Variants in WSB1 observed in about 807,000 individuals in gnomAD.
WSB1 encodes WD repeat and SOCS box-containing protein 1.
WSB1 carries 23 observed loss-of-function variants against 50.2 expected under a neutral mutation model. That is an observed-to-expected ratio of 0.46 (90% CI 0.33 to 0.65). The LOEUF is 0.65. Ranked by LOEUF, WSB1 falls within the 30% of genes least tolerant of loss-of-function variation. WSB1 has a pLI of 0.02. For synonymous variants in WSB1, 179 were observed against 172.0 expected (o/e 1.04, Z -0.32); for missense variants, 492 against 522.3 (o/e 0.94, Z 0.56).
chr17:27,307,019 G>T, intron 5 of WSB1, 137 bp downstream of exon 5: 6 of 788,166 alleles, frequency 7.6e-6, no homozygotes, highest in Non-Finnish European at 9.9e-6. Context: ...CATGATGGGG[G>T]AGAATTTGCA....
chr17:27,294,469 G>T (rs1275164751), intron 1 of WSB1, 34 bp downstream of exon 1: 5 of 1,611,500 alleles, frequency 3.1e-6, no homozygotes, highest in Non-Finnish European at 4.2e-6. Flanking sequence ...GCGCATGAGG[G>T]CCGAGGAGAG....
intron 5 of WSB1, chr17:27,308,124 G>A: frequency 9.5e-7 from 1 of 1,054,690 alleles, no homozygotes; most frequent in Non-Finnish European, 1.1e-6. Context: ...AATTCTTTCA[G>A]ATTCCAGAGA....
intron 1 of WSB1, 126 bp downstream of exon 1, chr17:27,294,561 T>G: frequency 7.4e-7 from 1 of 1,352,072 alleles, no homozygotes. Context: ...GCCAGCCCAC[T>G]AGCGAGGAGG....
chr17:27,305,628 G>C (rs2017420329), intron 4 of WSB1, among the ~76,000 whole-genome samples: 1 of 152,154 alleles, frequency 6.6e-6, no homozygotes, highest in Non-Finnish European at 1.5e-5. Flanking sequence ...GCTTGCCTAG[G>C]GGTAATAAAG....
rs543081526 is a variant in WSB1, at chr17:27,301,501, A to G, written c.41-287A>G. Among the ~76,000 whole-genome samples, 33 of 152,354 alleles carry G rather than the reference A, an allele frequency of 2.2e-4. No individual in the cohort carries two copies. The South Asian group carries it at 5.2e-3, about 24-fold the overall frequency. ...TAGGACTTTTGTAATTGTTAGGTCT[A>G]ATTGGTCATTACATTATTATTGACC... On this transcript the variant is annotated intron_variant, in intron 1 of 8. Coordinates refer to ENST00000262394, the MANE Select transcript of WSB1 (RefSeq NM_015626.10).
At chr17:27,298,759 G>T (rs2017098995) in intron 1 of WSB1, among the ~76,000 whole-genome samples, 1 of 152,128 alleles carries the variant, frequency 6.6e-6, no homozygotes. Context: ...AGCTACTCGG[G>T]AGGCTGAGGC....
At chr17:27,309,688 T>A (rs1464369094) in intron 6 of WSB1, among the ~76,000 whole-genome samples, 1 of 151,974 alleles carries the variant, frequency 6.6e-6, no homozygotes, top group African/African-American at 2.4e-5. Context: ...GTTCAAGCAG[T>A]TCTCCTGCCT....
intron 5 of WSB1, chr17:27,307,678 T>C: frequency 6.8e-7 from 1 of 1,480,452 alleles, no homozygotes; most frequent in South Asian, 1.2e-5. Context: ...AAGAACAAAA[T>C]TAGATGTTGA....
chr17:27,314,080 T>G lies in WSB1; in HGVS notation c.*1711T>G, dbSNP rs1429734331. 6.6e-6 allele frequency: 1 copy of G among 152,216 alleles called. No individual in the cohort carries two copies. The highest frequency in any genetic ancestry group is 1.5e-5 in the Non-Finnish European group (1 of 68,034). 9.4% of individuals were successfully genotyped at this position (152,216 alleles called of 1,614,324 possible). A position where few individuals can be genotyped will look rare whatever the true frequency, so the allele number is the denominator to read the frequency against. On this transcript the variant is annotated 3_prime_UTR_variant, in exon 9 of 9. Coordinates refer to ENST00000262394, the MANE Select transcript of WSB1 (RefSeq NM_015626.10). The stretch of plus-strand genomic sequence containing the variant: ...CTGAGAAATTATTTGGAAGTTCCTA[T>G]GGTTAGCTCTGTTAAGGAATGTAAA...
At chr17:27,294,968 T>A (rs900620498) in intron 1 of WSB1, among the ~76,000 whole-genome samples, 1 of 152,170 alleles carries the variant, frequency 6.6e-6, no homozygotes, top group Non-Finnish European at 1.5e-5. Context: ...GAGGAGACTT[T>A]TAGAATTATC....
chr17:27,305,812 T>A (rs547221669), intron 4 of WSB1, among the ~76,000 whole-genome samples: 1 of 152,232 alleles, frequency 6.6e-6, no homozygotes, highest in Non-Finnish European at 1.5e-5. Context: ...AGTTGAAATA[T>A]TTTAATAATT....
rs553576225 is a variant in WSB1, at chr17:27,313,299, A to G, written c.*930A>G. On this transcript the variant is annotated 3_prime_UTR_variant, in exon 9 of 9. Transcript: ENST00000262394. The stretch of plus-strand genomic sequence containing the variant: ...CCCCTCTAAACACTGCTGCTGCCTT[A>G]ATTTTAGAAAGCAGCTTACTAGTTT... The G allele has an allele frequency of 6.6e-6, 1 of 151,484 alleles. No individual in the cohort carries two copies. 9.4% of individuals were successfully genotyped at this position (151,484 alleles called of 1,614,324 possible).
intron 1 of WSB1, among the ~76,000 whole-genome samples, chr17:27,300,853 A>G (rs2150831407): frequency 6.6e-6 from 1 of 150,852 alleles, no homozygotes; most frequent in South Asian, 2.1e-4. Context: ...GCATACCACC[A>G]TGCCCGGCTA....
intron 5 of WSB1, chr17:27,307,449 G>T: frequency 2.2e-6 from 1 of 444,736 alleles, no homozygotes; most frequent in Non-Finnish European, 4.0e-6. Context: ...TTGTTTACCA[G>T]CTCTGTTAGT....
chr17:27,299,426 G>T (rs1438501078), intron 1 of WSB1, among the ~76,000 whole-genome samples: 1 of 152,212 alleles, frequency 6.6e-6, no homozygotes, highest in South Asian at 2.1e-4. Context: ...CAGGAGGATC[G>T]CCTGAGCCTG....
intron 3 of WSB1, 192 bp downstream of exon 3, chr17:27,303,827 T>G (rs1012447978): frequency 7.9e-6 from 5 of 633,806 alleles, no homozygotes; most frequent in Non-Finnish European, 1.3e-5. Context: ...ACTATGGAGT[T>G]CATATTGCTT....
intron 6 of WSB1, 44 bp downstream of exon 6, chr17:27,309,316 C>T (rs2017578339): frequency 1.4e-6 from 2 of 1,405,596 alleles, no homozygotes; most frequent in Non-Finnish European, 1.9e-6. Flanking sequence ...TCATCTCCAC[C>T]TATCAAGTTA....
At chr17:27,311,941 C>T (rs529394575) in intron 8 of WSB1, among the ~76,000 whole-genome samples, 1 of 152,158 alleles carries the variant, frequency 6.6e-6, no homozygotes, top group Non-Finnish European at 1.5e-5. Context: ...AGCCACCACA[C>T]CTGGCCCATT....
In WSB1 at chr17:27,294,178, C is replaced by T; in HGVS notation, c.-218C>T. The T allele has an allele frequency of 2.2e-6, 1 of 452,038 alleles. No individual in the cohort carries two copies. The highest frequency in any genetic ancestry group is 3.9e-6 in the Non-Finnish European group (1 of 254,612). 28.0% of individuals were successfully genotyped at this position (452,038 alleles called of 1,614,324 possible). ...TCCTCCGCAGGCGCGAGGCTGGGTACAGGGTCTATTGTCTGTGGTTGACTC... is the reference window on the plus strand; with the variant it reads ...TCCTCCGCAGGCGCGAGGCTGGGTATAGGGTCTATTGTCTGTGGTTGACTC... On this transcript the variant is annotated 5_prime_UTR_variant, in exon 1 of 9. Coordinates refer to ENST00000262394, the MANE Select transcript of WSB1 (RefSeq NM_015626.10).
Sources: allele counts gnomAD v4.1 joint callset (sites outside exome capture counted in the v4.1 genomes callset), GRCh38; gene constraint gnomAD v4.1.1; transcripts MANE v1.5; gene names NCBI Gene and HGNC (gene_info 2026-07-23, HGNC 2026-07-21).